COG4: variants seen among roughly 807,000 people sequenced by gnomAD.
COG4 encodes conserved oligomeric Golgi complex subunit 4.
COG4 carries 65 observed loss-of-function variants against 95.1 expected under a neutral mutation model. The observed-to-expected ratio is 0.68, with a 90% CI of 0.56 to 0.84. The LOEUF is 0.84. Ranked by LOEUF, COG4 falls within the 40% of genes least tolerant of loss-of-function variation. COG4 has a pLI of 0.00. For synonymous variants in COG4, 421 were observed against 374.8 expected (o/e 1.12, Z -1.42); for missense variants, 1,045 against 989.1 (o/e 1.06, Z -0.76).
chr16:70,490,372 T>C lies in COG4; in HGVS notation c.1668A>G (p.Glu556=), dbSNP rs753335983. The change falls in exon 13 of 19, where the codon GAA becomes GAG. Residue 556 remains glutamate, a synonymous_variant. Coordinates refer to ENST00000323786, the MANE Select transcript of COG4 (RefSeq NM_015386.3). The stretch of plus-strand genomic sequence containing the variant: ...GAGTGGAGATGTTTTCACTGCAGAC[T>C]TCCACGTTGTTCAGAGTCACCTGGG... ...MSFLVTLNNV[E]VCSENISTLK... 2 of 1,613,842 alleles carry C rather than the reference T, an allele frequency of 1.2e-6. No individual in the cohort carries two copies. The highest frequency in any genetic ancestry group is 2.2e-5 in the East Asian group (1 of 44,872).
At chr16:70,507,497 G>A (rs1251645429) in intron 8 of COG4, among the ~76,000 whole-genome samples, 1 of 152,120 alleles carries the variant, frequency 6.6e-6, no homozygotes, top group Non-Finnish European at 1.5e-5. Context: ...GCCTAGGTGT[G>A]TAGTAGGCTA....
rs111488393 is a variant in COG4 at position 70,497,824 on chromosome 16, G to A, written c.1314+113C>T. The stretch of plus-strand genomic sequence containing the variant: ...CAAAGTGGTACCACTCAATCTGCAT[G>A]CAAGAGTATTCTCAAAGCAGGACCA... On this transcript the variant is annotated intron_variant, in intron 10 of 18. Transcript: ENST00000323786. 73 of 787,728 alleles carry A rather than the reference G, an allele frequency of 9.3e-5. 5 individuals are homozygous for A. The highest frequency in any genetic ancestry group is 5.6e-4 in the African/African-American group (33 of 59,418). 48.8% of individuals were successfully genotyped at this position (787,728 alleles called of 1,614,324 possible).
At position 70,495,397 on chromosome 16, in the gene COG4, C is replaced by CAAAAAAAAAAAAAAAAAA. The variant is rs11382671; in HGVS notation, c.1647+868_1647+869insTTTTTTTTTTTTTTTTTT. On this transcript the variant is annotated intron_variant, in intron 12 of 18. Transcript: ENST00000323786. Reference sequence around the variant, plus strand: ...GGGGAACAAGAGCAAGACTCCATCTCAAAAAAAAAAAAAAAAGAATCTGAT... The same window carrying CAAAAAAAAAAAAAAAAAA: ...GGGGAACAAGAGCAAGACTCCATCTCAAAAAAAAAAAAAAAAAAAAAAAAAAAAAAAAAAGAATCTGAT... Among the ~76,000 whole-genome samples the CAAAAAAAAAAAAAAAAAA allele has an allele frequency of 4.6e-4, 51 of 111,314 alleles. 2 individuals are homozygous for CAAAAAAAAAAAAAAAAAA. Among genetic ancestry groups the CAAAAAAAAAAAAAAAAAA allele is most frequent in the African/African-American group, 1.7e-3 (48 of 28,354 alleles). The allele number at this position is 111,314 out of a possible 152,430, so 73.0% of individuals were successfully genotyped here. A position where few individuals can be genotyped will look rare whatever the true frequency, so the allele number is the denominator to read the frequency against.
chr16:70,523,338 A>G (rs1350876048), intron 1 of COG4, 35 bp downstream of exon 1: 2 of 1,613,392 alleles, frequency 1.2e-6, no homozygotes, highest in Admixed American at 1.7e-5. Context: ...CTCTCCCTAG[A>G]TCCTCCATGA....
chr16:70,504,416 A>C (rs2151754345), intron 8 of COG4, among the ~76,000 whole-genome samples: 1 of 152,102 alleles, frequency 6.6e-6, no homozygotes, highest in South Asian at 2.1e-4. Flanking sequence ...AGACCTGCCT[A>C]GACAACACGG....
chr16:70,503,657 C>T (rs532642270), intron 8 of COG4, among the ~76,000 whole-genome samples: 1 of 121,658 alleles, frequency 8.2e-6, no homozygotes, highest in South Asian at 2.1e-4. Flanking sequence ...TGCAGTGGCG[C>T]TATCCCGGCT....
Position 70,490,365 on chromosome 16 carries a change from T to C in COG4, c.1675A>G (p.Ser559Gly). 6.2e-7 allele frequency: 1 copy of C among 1,613,948 alleles called. No individual in the cohort carries two copies. Among genetic ancestry groups the C allele is most frequent in the Non-Finnish European group, 8.5e-7 (1 of 1,179,852 alleles). ...LVTLNNVEVC[S>G]ENISTLKKTL... ...TTCTTCAGAGTGGAGATGTTTTCAC[T>C]GCAGACTTCCACGTTGTTCAGAGTC... Residue 559 changes from serine to glycine, a missense_variant, in exon 13 of 19, where the codon AGT (serine) becomes GGT (glycine). Physicochemically the swap from Ser to Gly is moderately conservative, Grantham distance 56. Coordinates refer to ENST00000323786, the MANE Select transcript of COG4 (RefSeq NM_015386.3).
intron 8 of COG4, chr16:70,501,508 C>A (rs1035238118): frequency 9.6e-6 from 2 of 209,224 alleles, no homozygotes; most frequent in African/African-American, 4.6e-5. Context: ...GTGCCCACCA[C>A]CATGCCCGGC....
At chr16:70,507,599 G>T (rs1362709244) in intron 8 of COG4, among the ~76,000 whole-genome samples, 1 of 152,064 alleles carries the variant, frequency 6.6e-6, no homozygotes, top group Non-Finnish European at 1.5e-5. Flanking sequence ...GGTGGCTCAT[G>T]CCTATAATCT....
chr16:70,482,745 G>A lies in COG4; in HGVS notation c.1904C>T (p.Ser635Phe). ...QPWINSFFSVSHNIEEEEFND... is the reference protein window; with the variant it reads ...QPWINSFFSVFHNIEEEEFND... ...CAGGCTAACCTCCTCGATGTTGTGGGAGACGGAGAAAAAGCTGTTGATCCA... is the reference window on the plus strand; with the variant it reads ...CAGGCTAACCTCCTCGATGTTGTGGAAGACGGAGAAAAAGCTGTTGATCCA... The change falls in exon 15 of 19, where the codon TCC becomes TTC. Residue 635 changes from serine to phenylalanine, a missense_variant. Ser to Phe is a radical substitution (Grantham distance 155). Transcript: ENST00000323786. 6.2e-7 allele frequency: 1 copy of A among 1,613,866 alleles called. No individual in the cohort carries two copies. The highest frequency in any genetic ancestry group is 8.5e-7 in the Non-Finnish European group (1 of 1,179,884).
At chr16:70,522,334 A>T (rs1457843293) in intron 1 of COG4, among the ~76,000 whole-genome samples, 3 of 152,136 alleles carry the variant, frequency 2.0e-5, no homozygotes, top group Non-Finnish European at 4.4e-5. Context: ...GAGGCCAGAC[A>T]AAAAAAGCCC....
chr16:70,497,116 A>G (rs1033918449), intron 11 of COG4, 105 bp downstream of exon 11: 22 of 1,137,394 alleles, frequency 1.9e-5, no homozygotes, highest in Non-Finnish European at 2.6e-5. Context: ...TGTCCTGTAT[A>G]GAACTTAACT....
intron 8 of COG4, among the ~76,000 whole-genome samples, chr16:70,503,560 C>A (rs1227650516): frequency 6.6e-6 from 1 of 151,444 alleles, no homozygotes; most frequent in South Asian, 2.1e-4. Context: ...CTTGCTCTAT[C>A]TGGAATACTC....
Position 70,519,423 on chromosome 16 carries a change from G to A in COG4, c.254+226C>T, listed in dbSNP as rs956642608. On this transcript the variant is annotated intron_variant, in intron 2 of 18. Coordinates refer to ENST00000323786, the MANE Select transcript of COG4 (RefSeq NM_015386.3). ...ATTACAGGCGTGAGCCACCGCGCCC[G>A]GCCAGGATTTGCATTTCTAACAAGG... is the stretch of plus-strand genomic sequence containing the variant. 2.3e-4 allele frequency among the ~76,000 whole-genome samples: 8 copies of A among 34,832 alleles called. 3 individuals are homozygous for A. Among genetic ancestry groups the A allele is most frequent in the Non-Finnish European group, 2.2e-4 (5 of 22,662 alleles). The allele number at this position is 34,832 out of a possible 152,430, so 22.9% of individuals were successfully genotyped here. A position where few individuals can be genotyped will look rare whatever the true frequency, so the allele number is the denominator to read the frequency against.
At chr16:70,508,557 AT>A (rs752010561) in intron 7 of COG4, 93 bp from the exon 8 acceptor site, 1 of 1,092,472 alleles carries the variant, frequency 9.2e-7, no homozygotes, top group East Asian at 2.4e-5. Flanking sequence ...ATACAAGAAC[AT>A]TTAGATTTAG....
intron 3 of COG4, among the ~76,000 whole-genome samples, chr16:70,517,047 C>T (rs1054508567): frequency 6.6e-6 from 1 of 152,018 alleles, no homozygotes; most frequent in Non-Finnish European, 1.5e-5. Flanking sequence ...TACAGGTGTG[C>T]ACCACCATGT....
chr16:70,484,002 C>T (rs1447974970), intron 13 of COG4, 33 bp from the exon 14 acceptor site: 1 of 1,489,104 alleles, frequency 6.7e-7, no homozygotes, highest in East Asian at 2.3e-5. Flanking sequence ...GACCACCGAG[C>T]ACGCGTGGGC....
At chr16:70,516,518 G>A (rs1331249500) in intron 3 of COG4, among the ~76,000 whole-genome samples, 2 of 152,008 alleles carry the variant, frequency 1.3e-5, no homozygotes, top group East Asian at 1.9e-4. Context: ...GGATGGTCTC[G>A]ATCTCCTGAC....
Position 70,501,007 on chromosome 16 carries a change from G to A in COG4, c.1146C>T (p.Ser382=). 6.2e-7 allele frequency: 1 copy of A among 1,614,028 alleles called. No homozygotes were observed. Among genetic ancestry groups the A allele is most frequent in the Non-Finnish European group, 8.5e-7 (1 of 1,179,990 alleles). Residue 382 remains serine, a synonymous_variant, in exon 9 of 19, where the codon AGC becomes AGT. Coordinates refer to ENST00000323786, the MANE Select transcript of COG4 (RefSeq NM_015386.3). ...LYLRFLKKRI[S]SDFEVGDSMA... ...TGGAGTCTCCCACCTCAAAATCAGA[G>A]CTAATCCTCTTCTTGAGGAAGCGTA...
Sources: allele counts gnomAD v4.1 joint callset (sites outside exome capture counted in the v4.1 genomes callset), GRCh38; gene constraint gnomAD v4.1.1; transcripts MANE v1.5; gene names NCBI Gene and HGNC (gene_info 2026-07-23, HGNC 2026-07-21).